CDK6: variants seen among roughly 807,000 people sequenced by gnomAD.
The protein encoded by CDK6 is cyclin-dependent kinase 6.
A neutral mutation model predicts 37.1 loss-of-function variants in CDK6; 6 were observed. The ratio of observed to expected loss-of-function variants is 0.16; its 90% CI spans 0.09 to 0.32. The LOEUF (loss-of-function observed/expected upper bound fraction) is 0.32. CDK6 is among the 10% of genes least tolerant of loss of function. The pLI, the probability that CDK6 is intolerant of heterozygous loss-of-function variation, is 1.00. For missense variants in CDK6, 224 were observed against 418.9 expected, an observed-to-expected ratio of 0.53 and a Z score of 4.06; for synonymous variants, 160 against 161.3, an observed-to-expected ratio of 0.99 and a Z score of 0.06.
chr7:92,669,767 T>TG (rs1025133974), intron 5 of CDK6, among the ~76,000 whole-genome samples: 1 of 152,240 alleles, frequency 6.6e-6, no homozygotes, highest in Non-Finnish European at 1.5e-5. Context: ...GGGAGAGGCC[T>TG]GGGAGCCAGA....
At position 92,609,404 on chromosome 7, in the gene CDK6, T is replaced by G; in HGVS notation, c.*5736A>C. On this transcript the variant is annotated 3_prime_UTR_variant, in exon 8 of 8. Coordinates refer to ENST00000424848, the MANE Select transcript of CDK6 (RefSeq NM_001145306.2). ...AAAGTTAAGTATGTAGACACACTCC[T>G]AAGTTGTTATGCTCATATACTTCAG... is the stretch of plus-strand genomic sequence containing the variant. The G allele has an allele frequency of 1.3e-5, 3 of 230,040 alleles. No homozygotes were observed. Among genetic ancestry groups the G allele is most frequent in the Non-Finnish European group, 2.6e-5 (3 of 116,110 alleles). 14.2% of individuals were successfully genotyped at this position (230,040 alleles called of 1,614,324 possible).
chr7:92,641,450 C>A (rs1330951075), intron 5 of CDK6, among the ~76,000 whole-genome samples: 5 of 152,244 alleles, frequency 3.3e-5, no homozygotes, highest in Admixed American at 6.5e-5. Flanking sequence ...TGTCCAGTGG[C>A]TCCTTCAAGC....
intron 4 of CDK6, among the ~76,000 whole-genome samples, chr7:92,697,715 G>T (rs1334199767): frequency 6.6e-6 from 1 of 152,138 alleles, no homozygotes; most frequent in East Asian, 1.9e-4. Context: ...GGACTCCAAG[G>T]CATGTCAATC....
At chr7:92,668,775 C>T (rs1168369150) in intron 5 of CDK6, among the ~76,000 whole-genome samples, 1 of 152,108 alleles carries the variant, frequency 6.6e-6, no homozygotes, top group Non-Finnish European at 1.5e-5. Flanking sequence ...AAGTAAGAAG[C>T]ATGACACATG....
intron 2 of CDK6, among the ~76,000 whole-genome samples, chr7:92,802,562 G>A (rs1037672699): frequency 6.6e-6 from 1 of 152,194 alleles, no homozygotes; most frequent in Admixed American, 6.5e-5. Context: ...TAAAGTGCTC[G>A]TTTACGGTAC....
intron 4 of CDK6, among the ~76,000 whole-genome samples, chr7:92,678,697 G>A (rs1797263161): frequency 6.6e-6 from 1 of 152,136 alleles, no homozygotes; most frequent in Non-Finnish European, 1.5e-5. Flanking sequence ...TGGCCACAAT[G>A]GCAGAAAAGC....
rs752735113 is a variant in CDK6, at chr7:92,614,385, C to G, written c.*755G>C. 5 of 232,834 alleles carry G rather than the reference C, an allele frequency of 2.1e-5. No individual in the cohort carries two copies. Among genetic ancestry groups the G allele is most frequent in the Non-Finnish European group, 3.4e-5 (4 of 117,946 alleles). The allele number at this position is 232,834 out of a possible 1,614,324, so 14.4% of individuals were successfully genotyped here. A position where few individuals can be genotyped will look rare whatever the true frequency, so the allele number is the denominator to read the frequency against. On this transcript the variant is annotated 3_prime_UTR_variant, in exon 8 of 8. Coordinates refer to ENST00000424848, the MANE Select transcript of CDK6 (RefSeq NM_001145306.2). Reference sequence around the variant, plus strand: ...CATACAGAAGGTTAAAATAGACTTACAACAAGTAAATTCAGCATTCTGAAG... The same window carrying G: ...CATACAGAAGGTTAAAATAGACTTAGAACAAGTAAATTCAGCATTCTGAAG...
At chr7:92,616,332 C>G (rs576782019) in intron 7 of CDK6, among the ~76,000 whole-genome samples, 2 of 152,142 alleles carry the variant, frequency 1.3e-5, no homozygotes, top group East Asian at 1.9e-4. Flanking sequence ...AATATTCTAT[C>G]GAAGGCTACT....
At chr7:92,811,602 T>C (rs936677941) in intron 2 of CDK6, among the ~76,000 whole-genome samples, 2 of 151,884 alleles carry the variant, frequency 1.3e-5, no homozygotes, top group African/African-American at 4.8e-5. Flanking sequence ...ACAGCTCCTA[T>C]GTCCGTAGTA....
At chr7:92,778,243 T>A (rs1799898437) in intron 2 of CDK6, among the ~76,000 whole-genome samples, 1 of 152,170 alleles carries the variant, frequency 6.6e-6, no homozygotes, top group Non-Finnish European at 1.5e-5. Flanking sequence ...TATGGGCAGT[T>A]TGGGGTGAAT....
At chr7:92,714,928 A>C (rs1434373342) in intron 4 of CDK6, among the ~76,000 whole-genome samples, 1 of 152,152 alleles carries the variant, frequency 6.6e-6, no homozygotes, top group Non-Finnish European at 1.5e-5. Context: ...CCACTGTAAA[A>C]AGGTACTTTT....
chr7:92,618,267 T>C (rs1215580861), intron 6 of CDK6, 60 bp from the exon 7 acceptor site: 3 of 1,580,468 alleles, frequency 1.9e-6, no homozygotes, highest in Admixed American at 1.8e-5. Context: ...TGTTTTCTCA[T>C]CAATTTCCAG....
intron 5 of CDK6, among the ~76,000 whole-genome samples, chr7:92,641,958 G>T (rs1278162708): frequency 1.3e-5 from 2 of 152,176 alleles, no homozygotes; most frequent in Non-Finnish European, 2.9e-5. Context: ...TTGCCCCTTA[G>T]AAAACTGCAT....
chr7:92,616,590 G>C (rs1283891134), intron 7 of CDK6, among the ~76,000 whole-genome samples: 1 of 152,162 alleles, frequency 6.6e-6, no homozygotes. Context: ...ATTCCCAAAG[G>C]ACCGGAAAGC....
chr7:92,633,513 C>T (rs1267202099), intron 5 of CDK6, among the ~76,000 whole-genome samples: 2 of 152,070 alleles, frequency 1.3e-5, no homozygotes, highest in Non-Finnish European at 2.9e-5. Flanking sequence ...CTGATTTCTG[C>T]ATGGGCCAAA....
In CDK6 at chr7:92,612,608, C is replaced by A. The variant is rs1186583334; in HGVS notation, c.*2532G>T. ...TCATTCTGTGTCATCAGAAGATAAT[C>A]TGCCAACGATTGAATGCCAGAATGT... is the stretch of plus-strand genomic sequence containing the variant. On this transcript the variant is annotated 3_prime_UTR_variant, in exon 8 of 8. Transcript: ENST00000424848. 1 of 233,060 alleles carries A rather than the reference C, an allele frequency of 4.3e-6. No homozygotes were observed. The highest frequency in any genetic ancestry group is 2.2e-5 in the African/African-American group (1 of 45,358). 14.4% of individuals were successfully genotyped at this position (233,060 alleles called of 1,614,324 possible).
At chr7:92,704,993 T>G (rs1797935170) in intron 4 of CDK6, among the ~76,000 whole-genome samples, 1 of 152,212 alleles carries the variant, frequency 6.6e-6, no homozygotes, top group African/African-American at 2.4e-5. Context: ...AAGCAAAGAC[T>G]TGGTTTTAGA....
intron 4 of CDK6, among the ~76,000 whole-genome samples, chr7:92,702,857 T>C (rs1475989396): frequency 6.6e-6 from 1 of 152,174 alleles, no homozygotes; most frequent in Non-Finnish European, 1.5e-5. Flanking sequence ...ATCTGGGCAC[T>C]TTTGGCATTT....
intron 4 of CDK6, among the ~76,000 whole-genome samples, chr7:92,695,266 T>A (rs1797689576): frequency 1.5e-5 from 2 of 136,978 alleles, no homozygotes; most frequent in South Asian, 2.2e-4. Flanking sequence ...TAAGGGACCC[T>A]GAGGTAAAAA....
Sources: allele counts gnomAD v4.1 joint callset (sites outside exome capture counted in the v4.1 genomes callset), GRCh38; gene constraint gnomAD v4.1.1; transcripts MANE v1.5; gene names NCBI Gene and HGNC (gene_info 2026-07-23, HGNC 2026-07-21).